The following THADA variants were observed in gnomAD, a reference collection of about 807,000 sequenced individuals.
THADA encodes THADA armadillo repeat containing, also known as tRNA (32-2'-O)-methyltransferase regulator THADA.
A neutral mutation model predicts 219.8 loss-of-function variants in THADA; 213 were observed. The ratio of observed to expected loss-of-function variants is 0.97; its 90% confidence interval spans 0.87 to 1.09. The LOEUF is 1.09. Among genes scored for constraint, THADA ranks in the 50% least tolerant of loss-of-function variants. The pLI is 0.00. For synonymous variants in THADA, 1,018 were observed against 828.9 expected, an observed-to-expected ratio of 1.23 and a Z score of -3.92; for missense variants, 2,956 against 2,311.3, an observed-to-expected ratio of 1.28 and a Z score of -5.72.
chr2:43,450,575 A>C (rs749948575), intron 26 of THADA, among the ~76,000 whole-genome samples: 7 of 152,226 alleles, frequency 4.6e-5, no homozygotes, highest in Non-Finnish European at 7.3e-5. Flanking sequence ...ATTAAAAAAA[A>C]GCTATAAGGC....
At chr2:43,439,501 T>G (rs1680578734) in intron 26 of THADA, among the ~76,000 whole-genome samples, 1 of 152,220 alleles carries the variant, frequency 6.6e-6, no homozygotes, top group South Asian at 2.1e-4. Flanking sequence ...ATTAGTCATT[T>G]AGTAGCCAAC....
chr2:43,260,260 A>G (rs949028518), intron 36 of THADA, among the ~76,000 whole-genome samples: 3 of 152,234 alleles, frequency 2.0e-5, no homozygotes, highest in African/African-American at 7.2e-5. Flanking sequence ...TTCTTTGCCA[A>G]TAAGATACAG....
At chr2:43,403,990 G>C (rs1675203133) in intron 28 of THADA, among the ~76,000 whole-genome samples, 1 of 152,150 alleles carries the variant, frequency 6.6e-6, no homozygotes, top group Non-Finnish European at 1.5e-5. Context: ...TCTAAAGGCT[G>C]GGTGACACAC....
At chr2:43,246,186 G>A (rs879401489) in intron 36 of THADA, among the ~76,000 whole-genome samples, 4 of 151,542 alleles carry the variant, frequency 2.6e-5, no homozygotes, top group East Asian at 1.9e-4. Context: ...CTAGGCACCC[G>A]CCTCCCAGTC....
At chr2:43,344,965 T>A (rs1383226889) in intron 29 of THADA, among the ~76,000 whole-genome samples, 2 of 152,216 alleles carry the variant, frequency 1.3e-5, no homozygotes, top group African/African-American at 4.8e-5. Flanking sequence ...AGGGCATAAA[T>A]GAGATCTTTT....
chr2:43,389,862 T>C (rs1478367757), intron 29 of THADA, among the ~76,000 whole-genome samples: 1 of 151,462 alleles, frequency 6.6e-6, no homozygotes, highest in Non-Finnish European at 1.5e-5. Context: ...GGCCACATGC[T>C]TGGTGCACAT....
At position 43,570,508 on chromosome 2, in the gene THADA, C is replaced by G. The variant is rs1434270121; in HGVS notation, c.2067G>C (p.Leu689Phe). Reference sequence around the variant, plus strand: ...GAGAACTTTCCTGTATCCTACAAAACAACTTTTGAAACAAAGGAAATGAAG... The same window carrying G: ...GAGAACTTTCCTGTATCCTACAAAAGAACTTTTGAAACAAAGGAAATGAAG... ...RQQICSLLKKLFCRIQESSQV... is the reference protein window; with the variant it reads ...RQQICSLLKKFFCRIQESSQV... The change falls in exon 14 of 38, where the codon TTG (leucine) becomes TTC (phenylalanine). Residue 689 changes from leucine to phenylalanine, a missense_variant and splice_region_variant. Leu to Phe is a conservative substitution (Grantham distance 22, BLOSUM62 0). Transcript: ENST00000405975. 2.5e-6 allele frequency: 4 copies of G among 1,604,558 alleles called. No individual in the cohort carries two copies. Among genetic ancestry groups the G allele is most frequent in the South Asian group, 1.1e-5 (1 of 88,400 alleles).
chr2:43,335,606 T>G (rs1666323701), intron 30 of THADA, among the ~76,000 whole-genome samples: 1 of 152,144 alleles, frequency 6.6e-6, no homozygotes, highest in African/African-American at 2.4e-5. Flanking sequence ...ACAGCAGGGC[T>G]CAATAGGTAT....
At chr2:43,242,968 G>A (rs964407623) in intron 36 of THADA, among the ~76,000 whole-genome samples, 5 of 152,184 alleles carry the variant, frequency 3.3e-5, no homozygotes, top group Admixed American at 3.3e-4. Flanking sequence ...CCTTGCCACC[G>A]GGCTTCTAGC....
chr2:43,333,502 AAGG>A (rs1666033892), intron 30 of THADA, among the ~76,000 whole-genome samples: 2 of 152,108 alleles, frequency 1.3e-5, no homozygotes, highest in African/African-American at 2.4e-5. Flanking sequence ...AAATTAAAAA[AAGG>A]AGGATCCTTT....
intron 26 of THADA, among the ~76,000 whole-genome samples, chr2:43,476,984 G>C (rs1421833380): frequency 6.6e-6 from 1 of 152,142 alleles, no homozygotes; most frequent in Non-Finnish European, 1.5e-5. Context: ...CAAATGTATT[G>C]ACTACCTACT....
At position 43,284,763 on chromosome 2, in the gene THADA, G is replaced by A. The variant is rs114177740; in HGVS notation, c.5164+2145C>T. Among the ~76,000 whole-genome samples the A allele has an allele frequency of 1.0e-2, 1,519 of 152,304 alleles. 32 individuals are homozygous for A. Among genetic ancestry groups the A allele is most frequent in the African/African-American group, 0.035 (1,457 of 41,572 alleles). Reference sequence around the variant, plus strand: ...GCACTGTGTGCCTGGAAAAGCCGCAGGCACTCAACACCACCCTGTGAAAGC... The same window carrying A: ...GCACTGTGTGCCTGGAAAAGCCGCAAGCACTCAACACCACCCTGTGAAAGC... On this transcript the variant is annotated intron_variant, in intron 35 of 37. Coordinates refer to ENST00000405975, the MANE Select transcript of THADA (RefSeq NM_022065.5).
At position 43,344,832 on chromosome 2, in the gene THADA, C is replaced by G. The variant is rs146812852; in HGVS notation, c.4228-595G>C. 5.4e-3 allele frequency among the ~76,000 whole-genome samples: 822 copies of G among 151,996 alleles called. 5 individuals carry two copies. Among genetic ancestry groups the G allele is most frequent in the Middle Eastern group, 0.01 (3 of 294 alleles). ...GTGAATGCAGCAATGCAGACGTGCC[C>G]CACTTATACAAGGATACTCGTGTAT... On this transcript the variant is annotated intron_variant, in intron 29 of 37. Coordinates refer to ENST00000405975, the MANE Select transcript of THADA (RefSeq NM_022065.5).
At chr2:43,232,440 A>C (rs892553236) in intron 37 of THADA, among the ~76,000 whole-genome samples, 10 of 152,054 alleles carry the variant, frequency 6.6e-5, no homozygotes, top group Admixed American at 6.5e-5. Flanking sequence ...GGCCTCCCAA[A>C]GTGCTGGGAT....
intron 29 of THADA, among the ~76,000 whole-genome samples, chr2:43,397,357 G>T (rs574938493): frequency 6.6e-5 from 10 of 152,154 alleles, no homozygotes; most frequent in Non-Finnish European, 1.5e-4. Context: ...TCAAGTTAGG[G>T]TTGAAATAGG....
In THADA at chr2:43,530,292, T is replaced by C. The variant is rs566546113; in HGVS notation, c.3265-2304A>G. ...TACTACCAGTTGTCAAGAGCCACAG[T>C]CAGGTAAGCCTTATTTTGTCTTCAA... On this transcript the variant is annotated intron_variant, in intron 21 of 37. Coordinates refer to ENST00000405975, the MANE Select transcript of THADA (RefSeq NM_022065.5). Among the ~76,000 whole-genome samples the C allele has an allele frequency of 5.9e-5, 9 of 152,318 alleles. No individual in the cohort carries two copies. The South Asian group carries it at 1.9e-3, about 32-fold the overall frequency.
At chr2:43,358,510 G>C (rs1669128064) in intron 29 of THADA, among the ~76,000 whole-genome samples, 1 of 152,220 alleles carries the variant, frequency 6.6e-6, no homozygotes, top group African/African-American at 2.4e-5. Context: ...TTAAGAGCCA[G>C]AACTGTATCT....
rs573248923 is a variant in THADA, at chr2:43,484,956, A to AC, written c.3836+277_3836+278insG. On this transcript the variant is annotated intron_variant, in intron 26 of 37. Transcript: ENST00000405975. Reference sequence around the variant, plus strand: ...AGATGCAATTAAAAAAAAAAAAACAAAAAAAACACTAGCTTTTGCATGGAG... The same window carrying AC: ...AGATGCAATTAAAAAAAAAAAAACAACAAAAAACACTAGCTTTTGCATGGAG... Among the ~76,000 whole-genome samples the AC allele has an allele frequency of 2.1e-3, 319 of 151,858 alleles. 3 individuals are homozygous for AC. Among genetic ancestry groups the AC allele is most frequent in the African/African-American group, 7.5e-3 (309 of 41,414 alleles).
At chr2:43,249,825 C>G (rs1669632740) in intron 36 of THADA, among the ~76,000 whole-genome samples, 1 of 152,124 alleles carries the variant, frequency 6.6e-6, no homozygotes, top group Admixed American at 6.6e-5. Flanking sequence ...CTTCTGATTA[C>G]CAGCATCTCT....
Sources: allele counts gnomAD v4.1 joint callset (sites outside exome capture counted in the v4.1 genomes callset), GRCh38; gene constraint gnomAD v4.1.1; transcripts MANE v1.5; gene names NCBI Gene and HGNC (gene_info 2026-07-23, HGNC 2026-07-21).